The following C7 variants were observed in gnomAD, a reference collection of about 807,000 sequenced individuals.
The protein encoded by C7 is complement component C7.
A neutral mutation model predicts 104.8 loss-of-function variants in C7; 83 were observed. That is an observed-to-expected ratio of 0.79 (90% CI 0.66 to 0.95). The LOEUF is 0.95. C7 is among the 40% of genes least tolerant of loss of function. C7 has a pLI of 0.00. For missense variants in C7, 1,070 were observed against 1,011.2 expected (o/e 1.06, Z -0.79); for synonymous variants, 415 against 360.6 (o/e 1.15, Z -1.71).
chr5:40,961,518 G>C (rs1302158552), intron 12 of C7, among the ~76,000 whole-genome samples: 1 of 151,924 alleles, frequency 6.6e-6, no homozygotes, highest in Non-Finnish European at 1.5e-5. Flanking sequence ...CTAAGTGGCT[G>C]GGATTACAGA....
intron 9 of C7, 83 bp downstream of exon 9, chr5:40,950,097 T>C: frequency 5.2e-6 from 4 of 769,852 alleles, no homozygotes; most frequent in Admixed American, 2.6e-5. Context: ...CGTGAAGTTA[T>C]GTAGGTAAAC....
chr5:40,972,587 A>G lies in C7; in HGVS notation c.2067A>G (p.Val689=). The change falls in exon 15 of 18, where the codon GTA becomes GTG. Residue 689 remains valine, a synonymous_variant. Transcript: ENST00000313164. ...WSPEMKNARC[V]QKENPLTQAV... ...CTGAGATGAAGAATGCCCGCTGTGT[A>G]CAAAAAGGTGAGTGGCTTCCATGTC... 1 of 1,594,570 alleles carries G rather than the reference A, an allele frequency of 6.3e-7. No individual in the cohort carries two copies. The highest frequency in any genetic ancestry group is 8.5e-7 in the Non-Finnish European group (1 of 1,171,198).
intron 6 of C7, among the ~76,000 whole-genome samples, chr5:40,941,389 T>C (rs543515577): frequency 7.2e-5 from 11 of 152,130 alleles, no homozygotes; most frequent in Non-Finnish European, 1.5e-4. Flanking sequence ...AATAACTGAA[T>C]GAAGTTCAAA....
intron 10 of C7, among the ~76,000 whole-genome samples, chr5:40,957,146 C>T (rs1740304944): frequency 6.6e-6 from 1 of 152,154 alleles, no homozygotes; most frequent in Admixed American, 6.5e-5. Context: ...ATGGTGGCAG[C>T]CTGAAATTGG....
chr5:40,928,091 A>T (rs897685893), intron 1 of C7, among the ~76,000 whole-genome samples: 4 of 152,190 alleles, frequency 2.6e-5, no homozygotes, highest in African/African-American at 9.6e-5. Flanking sequence ...AAAAGGAGGA[A>T]ATTCTGTCAT....
intron 16 of C7, 97 bp from the exon 17 acceptor site, chr5:40,979,628 C>G: frequency 1.2e-6 from 1 of 843,446 alleles, no homozygotes; most frequent in African/African-American, 1.8e-5. Context: ...GTGATAACAT[C>G]TGGGGGCACT....
intron 2 of C7, among the ~76,000 whole-genome samples, chr5:40,929,628 C>A (rs1018325121): frequency 2.6e-5 from 4 of 152,118 alleles, no homozygotes; most frequent in Non-Finnish European, 5.9e-5. Flanking sequence ...AATACTAGTT[C>A]TTTTATTCTT....
intron 1 of C7, among the ~76,000 whole-genome samples, chr5:40,909,974 A>ATTTTTTTTTTTTT (rs1259880340): frequency 1.6e-5 from 2 of 124,664 alleles, no homozygotes; most frequent in African/African-American, 6.1e-5. Flanking sequence ...CCTCTGGTGT[A>ATTTTTTTTTTTTT]TTTTTTTTTT....
chr5:40,962,210 C>A, intron 13 of C7, 38 bp downstream of exon 13: 1 of 1,210,540 alleles, frequency 8.3e-7, no homozygotes, highest in Non-Finnish European at 1.2e-6. Context: ...TTATAATGCT[C>A]TAACTTCTAT....
At chr5:40,928,253 T>C (rs909918452) in intron 1 of C7, among the ~76,000 whole-genome samples, 2 of 152,062 alleles carry the variant, frequency 1.3e-5, no homozygotes, top group Non-Finnish European at 2.9e-5. Flanking sequence ...ACTGGGGTAA[T>C]AGGGAAATAA....
rs1170226848 is a variant in C7 at position 40,964,540 on chromosome 5, A to G, written c.1750-201A>G. The stretch of plus-strand genomic sequence containing the variant: ...CAATCAATACATTATAGACAGTGGT[A>G]TTAATAGTTTTATTTCAATTAATGG... On this transcript the variant is annotated intron_variant, in intron 13 of 17. Coordinates refer to ENST00000313164, the MANE Select transcript of C7 (RefSeq NM_000587.4). 7.1e-5 allele frequency: 35 copies of G among 490,696 alleles called. No homozygotes were observed. The South Asian group carries it at 8.1e-4, about 11-fold the overall frequency. The allele number at this position is 490,696 out of a possible 1,614,324, so 30.4% of individuals were successfully genotyped here. A position where few individuals can be genotyped will look rare whatever the true frequency, so the allele number is the denominator to read the frequency against.
intron 2 of C7, among the ~76,000 whole-genome samples, chr5:40,930,386 A>G (rs554852721): frequency 1.3e-5 from 2 of 151,374 alleles, no homozygotes; most frequent in African/African-American, 4.8e-5. Flanking sequence ...TTGTATTTTT[A>G]GTAGAGACGG....
At chr5:40,976,363 G>C (rs1015471688) in intron 15 of C7, among the ~76,000 whole-genome samples, 1 of 152,194 alleles carries the variant, frequency 6.6e-6, no homozygotes, top group Non-Finnish European at 1.5e-5. Context: ...TCAGACCAAT[G>C]TAGAATTAAA....
chr5:40,937,748 A>G, intron 6 of C7, 58 bp downstream of exon 6: 1 of 1,366,034 alleles, frequency 7.3e-7, no homozygotes, highest in South Asian at 1.5e-5. Context: ...TATTTATATG[A>G]TATTGACTTT....
chr5:40,909,596 A>C lies in C7; in HGVS notation c.-15A>C. ...AATCTTCCTCCTCTCTTCTGCCCTG[A>C]ATGTTTTCCCAAACATGAAGGTAAG... On this transcript the variant is annotated 5_prime_UTR_variant, in exon 1 of 18. Transcript: ENST00000313164. 1 of 1,566,306 alleles carries C rather than the reference A, an allele frequency of 6.4e-7. No homozygotes were observed. Among genetic ancestry groups the C allele is most frequent in the South Asian group, 1.2e-5 (1 of 84,950 alleles).
At position 40,958,193 on chromosome 5, in the gene C7, T is replaced by C; in HGVS notation, c.1421T>C (p.Leu474Pro). The C allele has an allele frequency of 6.2e-7, 1 of 1,613,782 alleles. No individual in the cohort carries two copies. Reference protein sequence around the residue: ...GLATVEGTHCLCHCKPYTFGA... With the variant: ...GLATVEGTHCPCHCKPYTFGA... ...GCTACTGTTGAGGGGACCCATTGTC[T>C]GTGCCATTGCAAACCGTACACATTT... The change falls in exon 11 of 18, where the codon CTG (leucine) becomes CCG (proline). Residue 474 changes from leucine (L) to proline (P), a missense_variant. Coordinates refer to ENST00000313164, the MANE Select transcript of C7 (RefSeq NM_000587.4).
chr5:40,934,275 T>C, intron 3 of C7, 50 bp from the exon 4 acceptor site: 1 of 1,456,338 alleles, frequency 6.9e-7, no homozygotes, highest in Non-Finnish European at 9.1e-7. Context: ...TAGAGATTTC[T>C]TTGAAAACAA....
chr5:40,959,647 T>C lies in C7; in HGVS notation c.1661+27T>C, dbSNP rs200170149. ...TAATGGAGACCCGACCCCCTGGCAG[T>C]TGCATAGAACACAGTACCCTCTGCA... On this transcript the variant is annotated intron_variant, in intron 12 of 17. Transcript: ENST00000313164. 28 of 1,542,622 alleles carry C rather than the reference T, an allele frequency of 1.8e-5. No individual in the cohort carries two copies. In the East Asian group the frequency reaches 5.2e-4, roughly 29 times the overall value.
chr5:40,917,953 ATGTAGAGT>A (rs1739354618), intron 1 of C7, among the ~76,000 whole-genome samples: 1 of 152,208 alleles, frequency 6.6e-6, no homozygotes. Context: ...GAGAGTAAAA[ATGTAGAGT>A]TGTATGCAAA....
Sources: allele counts gnomAD v4.1 joint callset (sites outside exome capture counted in the v4.1 genomes callset), GRCh38; gene constraint gnomAD v4.1.1; transcripts MANE v1.5; gene names NCBI Gene and HGNC (gene_info 2026-07-23, HGNC 2026-07-21).